The following GRID2IP variants were observed in gnomAD, a reference collection of about 807,000 sequenced individuals.
The protein encoded by GRID2IP is delphilin.
GRID2IP carries 78 observed loss-of-function variants against 114.3 expected under a neutral mutation model. The observed-to-expected ratio is 0.68, with a 90% confidence interval of 0.57 to 0.82. GRID2IP has a LOEUF of 0.82. Ranked by LOEUF, GRID2IP falls within the 40% of genes least tolerant of loss-of-function variation. GRID2IP has a pLI of 0.00. For synonymous variants in GRID2IP, 809 were observed against 724.0 expected (o/e 1.12, Z -1.89); for missense variants, 1,727 against 1,678.5 (o/e 1.03, Z -0.51).
At position 6,551,403 on chromosome 7, in the gene GRID2IP, C is replaced by T. The variant is rs929877214; in HGVS notation, c.34G>A (p.Gly12Ser). 41 of 1,547,410 alleles carry T rather than the reference C, an allele frequency of 2.6e-5. No individual in the cohort carries two copies. Among genetic ancestry groups the T allele is most frequent in the Admixed American group, 3.9e-5 (2 of 50,680 alleles). Residue 12 changes from glycine (G) to serine (S), a missense_variant, in exon 1 of 22, where the codon GGC becomes AGC. Coordinates refer to ENST00000457091, the MANE Select transcript of GRID2IP (RefSeq NM_001145118.2). ...ATTATPATNQGWPEDFGFRLG... is the reference protein window; with the variant it reads ...ATTATPATNQSWPEDFGFRLG... ...CGGAAGCCAAAGTCCTCTGGCCAGC[C>T]CTGGTTCGTGGCCGGCGTGGCAGTG...
intron 20 of GRID2IP, among the ~76,000 whole-genome samples, chr7:6,498,665 C>A (rs1044943750): frequency 6.7e-6 from 1 of 149,614 alleles, no homozygotes; most frequent in Non-Finnish European, 1.5e-5. Context: ...CAGATCATTC[C>A]AGCCTCTACC....
intron 2 of GRID2IP, among the ~76,000 whole-genome samples, chr7:6,529,305 G>C (rs770121043): frequency 1.3e-5 from 2 of 152,144 alleles, no homozygotes; most frequent in Non-Finnish European, 1.5e-5. Flanking sequence ...ACAAAACTTA[G>C]CCGGGCATGG....
At chr7:6,497,993 G>A (rs989132205) in intron 21 of GRID2IP, 71 bp downstream of exon 21, 7 of 1,456,066 alleles carry the variant, frequency 4.8e-6, no homozygotes, top group Non-Finnish European at 6.4e-6. Context: ...TGGCTTCATG[G>A]AGGATCCCTT....
rs1298276942 is a variant in GRID2IP, at chr7:6,551,050, C to T, written c.387G>A (p.Val129=). The T allele has an allele frequency of 2.4e-6, 3 of 1,274,666 alleles. No homozygotes were observed. The highest frequency in any genetic ancestry group is 2.0e-6 in the Non-Finnish European group (2 of 1,013,412). 79.0% of individuals were successfully genotyped at this position (1,274,666 alleles called of 1,614,324 possible). ...GGGCCTTGCGCCTGCGCTCTCGGTG[C>T]ACCGCGTCCGGGCGCTTGCGGCCGG... The part of the protein sequence containing the change: ...RLAGRKRPDA[V]HRERRRKAQE... The change falls in exon 1 of 22, where the codon GTG becomes GTA. Residue 129 remains valine, a synonymous_variant. Transcript: ENST00000457091.
chr7:6,505,726 A>C, intron 14 of GRID2IP, 94 bp downstream of exon 14: 1 of 778,828 alleles, frequency 1.3e-6, no homozygotes, highest in Non-Finnish European at 2.2e-6. Flanking sequence ...ATCAGGTTAA[A>C]TAGTAGTCAG....
In GRID2IP at chr7:6,508,020, G is replaced by C. The variant is rs1248311689; in HGVS notation, c.2509C>G (p.Gln837Glu). ...ATGGTGCCTTCTGAGTTCTCCACCT[G>C]TTCCCACCGCAAGCGCTTGACGCTC... ...HMSVKRLRWE[Q>E]VENSEGTIWG... The change falls in exon 13 of 22, where the codon CAG becomes GAG. Residue 837 changes from glutamine to glutamate, a missense_variant. Coordinates refer to ENST00000457091, the MANE Select transcript of GRID2IP (RefSeq NM_001145118.2). This position sits in a 1 kb window ranked among gnomAD's most constrained non-coding sequence, Gnocchi z 5.6. 1.7e-5 allele frequency: 26 copies of C among 1,549,460 alleles called. No individual in the cohort carries two copies. Among genetic ancestry groups the C allele is most frequent in the Non-Finnish European group, 2.3e-5 (26 of 1,146,760 alleles).
chr7:6,539,987 C>T (rs954689181), intron 1 of GRID2IP, 115 bp from the exon 2 acceptor site: 10 of 869,106 alleles, frequency 1.2e-5, no homozygotes, highest in South Asian at 3.4e-5. Flanking sequence ...CTGACGTGGG[C>T]GTACCACCTG....
intron 2 of GRID2IP, chr7:6,531,151 C>T (rs775143700): frequency 8.4e-5 from 42 of 501,498 alleles, no homozygotes; most frequent in African/African-American, 7.3e-4. Flanking sequence ...CAGGGGGTAG[C>T]CGAGCCCAGG....
At chr7:6,499,506 C>T (rs1361831718) in intron 20 of GRID2IP, among the ~76,000 whole-genome samples, 2 of 152,208 alleles carry the variant, frequency 1.3e-5, no homozygotes, top group Non-Finnish European at 2.9e-5. Context: ...TCTCGGCTTA[C>T]TGCAATCTCC....
intron 1 of GRID2IP, among the ~76,000 whole-genome samples, chr7:6,549,757 C>T (rs1779941556): frequency 6.6e-6 from 1 of 151,716 alleles, no homozygotes. Context: ...GAGTATCTGG[C>T]ACCACAGGCG....
chr7:6,519,694 T>A lies in GRID2IP; in HGVS notation c.1268+884A>T, dbSNP rs996017702. 1.3e-5 allele frequency among the ~76,000 whole-genome samples: 2 copies of A among 149,780 alleles called. No homozygotes were observed. Among genetic ancestry groups the A allele is most frequent in the African/African-American group, 4.9e-5 (2 of 40,562 alleles). On this transcript the variant is annotated intron_variant, in intron 7 of 21. Transcript: ENST00000457091. The surrounding 1 kb of genome is among the most constrained non-coding windows in gnomAD (Gnocchi z 4.1). ...ATCGCTTGAGTCCGGGAGGTGGGGG[T>A]TGCGGTGAGCCGAGATCGCACCACT...
At chr7:6,541,736 A>G (rs1458727118) in intron 1 of GRID2IP, among the ~76,000 whole-genome samples, 3 of 152,204 alleles carry the variant, frequency 2.0e-5, no homozygotes, top group Non-Finnish European at 4.4e-5. Context: ...GGAAATGAGC[A>G]TGCAAATGGT....
rs975432143 is a variant in GRID2IP at position 6,498,263 on chromosome 7, C to G, written c.3400-35G>C. The G allele has an allele frequency of 5.1e-5, 77 of 1,509,792 alleles. No homozygotes were observed. In the African/African-American group the frequency reaches 9.5e-4, roughly 19 times the overall value. The allele number at this position is 1,509,792 out of a possible 1,614,324, so 93.5% of individuals were successfully genotyped here. A position where few individuals can be genotyped will look rare whatever the true frequency, so the allele number is the denominator to read the frequency against. On this transcript the variant is annotated intron_variant, in intron 20 of 21. Coordinates refer to ENST00000457091, the MANE Select transcript of GRID2IP (RefSeq NM_001145118.2). ...CTCAGTTAAGGAAACAGCCAGCCCGCTTGTGCCCCCAGGGTCTCAGGTGGT... is the reference window on the plus strand; with the variant it reads ...CTCAGTTAAGGAAACAGCCAGCCCGGTTGTGCCCCCAGGGTCTCAGGTGGT...
chr7:6,516,125 T>C lies in GRID2IP; in HGVS notation c.1269-1596A>G, dbSNP rs888261398. On this transcript the variant is annotated intron_variant, in intron 7 of 21. Coordinates refer to ENST00000457091, the MANE Select transcript of GRID2IP (RefSeq NM_001145118.2). The surrounding 1 kb of genome is among the most constrained non-coding windows in gnomAD (Gnocchi z 4.3). ...ATAATAATAATAAAAAATAAATAAA[T>C]AAATAAATAAAAATAAAGTAGGAGA... Among the ~76,000 whole-genome samples, 2 of 149,824 alleles carry C rather than the reference T, an allele frequency of 1.3e-5. No homozygotes were observed. The highest frequency in any genetic ancestry group is 3.9e-4 in the East Asian group (2 of 5,150).
rs568270231 is a variant in GRID2IP at position 6,528,314 on chromosome 7, C to G, written c.585-1545G>C. On this transcript the variant is annotated intron_variant, in intron 2 of 21. Coordinates refer to ENST00000457091, the MANE Select transcript of GRID2IP (RefSeq NM_001145118.2). This position sits in a 1 kb window ranked among gnomAD's most constrained non-coding sequence, Gnocchi z 6.0. ...AGATCCACCAGCAGCCTAACCCCAT[C>G]TCTGAGTAATGGCAGCAGTTAACAT... Among the ~76,000 whole-genome samples, 47 of 152,310 alleles carry G rather than the reference C, an allele frequency of 3.1e-4. No individual in the cohort carries two copies. The highest frequency in any genetic ancestry group is 3.4e-3 in the Middle Eastern group (1 of 294).
rs1779513762 is a variant in GRID2IP, at chr7:6,526,544, G to A, written c.810C>T (p.Leu270=). The A allele has an allele frequency of 2.4e-6, 3 of 1,224,878 alleles. No individual in the cohort carries two copies. Among genetic ancestry groups the A allele is most frequent in the South Asian group, 7.3e-5 (2 of 27,296 alleles). The allele number at this position is 1,224,878 out of a possible 1,614,324, so 75.9% of individuals were successfully genotyped here. The stretch of plus-strand genomic sequence containing the variant: ...ACCTGCGCGCGCCCCCGGGGCCGGC[G>A]AGGCCGCCCACCAGCAAGGAGGCCC... ...PRRASLLVGG[L]AGPGGARRTV... Residue 270 remains leucine (L), a synonymous_variant, in exon 3 of 22, where the codon CTC becomes CTT. Transcript: ENST00000457091. The surrounding 1 kb of genome is among the most constrained non-coding windows in gnomAD (Gnocchi z 7.6).
At position 6,523,569 on chromosome 7, in the gene GRID2IP, A is replaced by G. The variant is rs1779452608; in HGVS notation, c.920-1612T>C. Among the ~76,000 whole-genome samples the G allele has an allele frequency of 6.6e-6, 1 of 151,324 alleles. No homozygotes were observed. Among genetic ancestry groups the G allele is most frequent in the South Asian group, 2.1e-4 (1 of 4,764 alleles). Reference sequence around the variant, plus strand: ...GGGTTGGGAAGAACAGCAGACCTGGATTTTTTTTTCTTTTTTTGAGACAGG... The same window carrying G: ...GGGTTGGGAAGAACAGCAGACCTGGGTTTTTTTTTCTTTTTTTGAGACAGG... On this transcript the variant is annotated intron_variant, in intron 4 of 21. Coordinates refer to ENST00000457091, the MANE Select transcript of GRID2IP (RefSeq NM_001145118.2). This position sits in a 1 kb window ranked among gnomAD's most constrained non-coding sequence, Gnocchi z 4.5.
chr7:6,501,143 G>C (rs1236503744), intron 20 of GRID2IP, among the ~76,000 whole-genome samples: 4 of 152,200 alleles, frequency 2.6e-5, no homozygotes, highest in African/African-American at 9.7e-5. Context: ...CTGAGGTCAG[G>C]AGTGCAAGAC....
At position 6,520,885 on chromosome 7, in the gene GRID2IP, G is replaced by T; in HGVS notation, c.1085-124C>A. On this transcript the variant is annotated intron_variant, in intron 6 of 21. Transcript: ENST00000457091. The surrounding 1 kb of genome is among the most constrained non-coding windows in gnomAD (Gnocchi z 4.6). ...GGTGTGGCTGTCCAGTGCCATGCAT[G>T]GGAAGGCATGCCTGTGGCCCGACAC... The T allele has an allele frequency of 1.1e-6, 1 of 906,278 alleles. No individual in the cohort carries two copies. The highest frequency in any genetic ancestry group is 1.7e-6 in the Non-Finnish European group (1 of 605,850). The allele number at this position is 906,278 out of a possible 1,614,324, so 56.1% of individuals were successfully genotyped here.
Sources: allele counts gnomAD v4.1 joint callset (sites outside exome capture counted in the v4.1 genomes callset), GRCh38; gene constraint gnomAD v4.1.1; non-coding constraint Gnocchi (gnomAD v3.1); transcripts MANE v1.5; gene names NCBI Gene and HGNC (gene_info 2026-07-23, HGNC 2026-07-21).